KCNMA1: variants seen among roughly 807,000 people sequenced by gnomAD.
The protein encoded by KCNMA1 is potassium calcium-activated channel subfamily M alpha 1.
In KCNMA1, 29 loss-of-function variants were observed where a neutral mutation model predicts 140.0. The observed-to-expected ratio is 0.21, with a 90% CI of 0.15 to 0.28. The LOEUF is 0.28. KCNMA1 is among the 10% of genes least tolerant of loss of function. The probability of loss-of-function intolerance (pLI) is 1.00; values close to 1 mark genes in which losing one functional copy is unlikely to be tolerated. For synonymous variants in KCNMA1, 612 were observed against 611.9 expected (o/e 1.00, Z 0.00); for missense variants, 880 against 1,602.2 (o/e 0.55, Z 7.70).
At chr10:77,103,599 A>G (rs948351234) in intron 9 of KCNMA1, among the ~76,000 whole-genome samples, 4 of 152,206 alleles carry the variant, frequency 2.6e-5, no homozygotes, top group South Asian at 2.1e-4. Context: ...CCTTTAAAGG[A>G]TGGAGCCAGG....
At chr10:77,340,175 C>T (rs2090461790) in intron 2 of KCNMA1, among the ~76,000 whole-genome samples, 1 of 152,146 alleles carries the variant, frequency 6.6e-6, no homozygotes, top group African/African-American at 2.4e-5. Flanking sequence ...CCATCTCACA[C>T]CAGTTAGAAT....
At chr10:77,208,872 T>G (rs892241023) in intron 3 of KCNMA1, among the ~76,000 whole-genome samples, 1 of 152,188 alleles carries the variant, frequency 6.6e-6, no homozygotes, top group Non-Finnish European at 1.5e-5. Context: ...TGTGTTCTTA[T>G]GAAGTAATCC....
intron 16 of KCNMA1, among the ~76,000 whole-genome samples, chr10:77,021,460 C>T (rs1295962216): frequency 6.6e-6 from 1 of 152,220 alleles, no homozygotes; most frequent in Admixed American, 6.5e-5. Flanking sequence ...CTCACAGCAC[C>T]ATCACCCTCC....
intron 23 of KCNMA1, among the ~76,000 whole-genome samples, chr10:76,931,923 G>A (rs569659911): frequency 1.7e-4 from 26 of 152,290 alleles, no homozygotes; most frequent in Admixed American, 4.6e-4. Context: ...CTGGCTGCTA[G>A]GTACAAGTGG....
chr10:76,983,540 G>C, intron 19 of KCNMA1, among the ~76,000 whole-genome samples: 1 of 152,040 alleles, frequency 6.6e-6, no homozygotes, highest in Admixed American at 6.6e-5. Context: ...GATCAGCCTG[G>C]CCAATATGGC....
At chr10:77,480,133 G>A (rs1354158244) in intron 1 of KCNMA1, among the ~76,000 whole-genome samples, 3 of 152,226 alleles carry the variant, frequency 2.0e-5, no homozygotes, top group Admixed American at 6.5e-5. Flanking sequence ...GCCCATATAT[G>A]TCAACTGTGG....
chr10:77,308,996 T>C (rs951332380), intron 2 of KCNMA1, among the ~76,000 whole-genome samples: 3 of 152,216 alleles, frequency 2.0e-5, no homozygotes, highest in African/African-American at 7.2e-5. Context: ...TATCCTTCAC[T>C]GTTCCCTACT....
In KCNMA1 at chr10:77,558,109, T is replaced by C. The variant is rs114631987; in HGVS notation, c.378+79156A>G. Among the ~76,000 whole-genome samples the C allele has an allele frequency of 3.4e-3, 523 of 152,314 alleles. 6 individuals are homozygous for C. Among genetic ancestry groups the C allele is most frequent in the African/African-American group, 0.012 (509 of 41,570 alleles). On this transcript the variant is annotated intron_variant, in intron 1 of 27. Coordinates refer to ENST00000286628, the MANE Select transcript of KCNMA1 (RefSeq NM_001161352.2). ...TTCTCAAGTTCTCTTTCATTTGACC[T>C]TCACAACAAACCTGTGACATTTCTT... is the stretch of plus-strand genomic sequence containing the variant.
At chr10:77,275,329 A>T (rs2066354317) in intron 2 of KCNMA1, among the ~76,000 whole-genome samples, 1 of 152,190 alleles carries the variant, frequency 6.6e-6, no homozygotes, top group South Asian at 2.1e-4. Flanking sequence ...TGTCTAATAC[A>T]GGAGGAGGAA....
At position 77,037,657 on chromosome 10, in the gene KCNMA1, A is replaced by G. The variant is rs1479562594; in HGVS notation, c.1859+1871T>C. On this transcript the variant is annotated intron_variant, in intron 15 of 27. Coordinates refer to ENST00000286628, the MANE Select transcript of KCNMA1 (RefSeq NM_001161352.2). ...GTTAGGCCAGGGAAACCCTACAGCC[A>G]AGGAAGGGGGCTTGACGGAGCCCCT... 3.9e-5 allele frequency among the ~76,000 whole-genome samples: 6 copies of G among 152,250 alleles called. 1 individual carries two copies. In the South Asian group the frequency reaches 1.2e-3, roughly 32 times the overall value.
intron 9 of KCNMA1, among the ~76,000 whole-genome samples, chr10:77,097,735 A>G (rs908797924): frequency 2.0e-5 from 3 of 152,234 alleles, no homozygotes; most frequent in African/African-American, 7.2e-5. Flanking sequence ...CAGCAATAAG[A>G]TAATTTCCTA....
At chr10:77,287,905 T>C (rs1025552269) in intron 2 of KCNMA1, among the ~76,000 whole-genome samples, 1 of 152,136 alleles carries the variant, frequency 6.6e-6, no homozygotes, top group African/African-American at 2.4e-5. Flanking sequence ...CTAAGCCAGG[T>C]TGTTAGTCTC....
intron 1 of KCNMA1, among the ~76,000 whole-genome samples, chr10:77,421,095 T>C (rs777858728): frequency 1.3e-5 from 2 of 152,232 alleles, no homozygotes; most frequent in Non-Finnish European, 2.9e-5. Flanking sequence ...TCTGGCCACA[T>C]ACTGAAATAC....
At chr10:77,520,680 G>C (rs1315296404) in intron 1 of KCNMA1, among the ~76,000 whole-genome samples, 2 of 152,068 alleles carry the variant, frequency 1.3e-5, no homozygotes, top group African/African-American at 4.8e-5. Context: ...GGAGGCCACT[G>C]GTCATCCCAC....
intron 1 of KCNMA1, among the ~76,000 whole-genome samples, chr10:77,581,054 T>A (rs1390647324): frequency 6.6e-6 from 1 of 152,164 alleles, no homozygotes; most frequent in Non-Finnish European, 1.5e-5. Flanking sequence ...GCTATCACCA[T>A]CATAAAATTC....
At chr10:77,149,667 C>T (rs1036076035) in intron 5 of KCNMA1, among the ~76,000 whole-genome samples, 3 of 152,136 alleles carry the variant, frequency 2.0e-5, no homozygotes, top group African/African-American at 7.2e-5. Flanking sequence ...GTGAAATAAT[C>T]CGTCTCCAAT....
chr10:77,090,811 T>C (rs2096795552), intron 9 of KCNMA1: 4 of 469,106 alleles, frequency 8.5e-6, no homozygotes, highest in South Asian at 7.0e-5. Context: ...AGTGACATTA[T>C]GCTTGTGCTT....
chr10:77,489,340 A>T (rs1391259845), intron 1 of KCNMA1, among the ~76,000 whole-genome samples: 1 of 151,570 alleles, frequency 6.6e-6, no homozygotes, highest in Non-Finnish European at 1.5e-5. Context: ...TTTATTATTT[A>T]TTTATTTTTT....
intron 3 of KCNMA1, among the ~76,000 whole-genome samples, chr10:77,218,464 C>T (rs77461853): frequency 0.059 from 9,039 of 152,138 alleles, 308 homozygotes; most frequent in South Asian, 0.083. Context: ...CTCCTGAAGA[C>T]GTGTCTCCTG....
Sources: gnomAD v4.1 joint callset for allele counts (sites outside exome capture counted in the v4.1 genomes callset) on GRCh38, gnomAD v4.1.1 for gene constraint, MANE v1.5 for transcripts, NCBI Gene and HGNC (gene_info 2026-07-23, HGNC 2026-07-21) for gene names.